FOXP2: variants seen among roughly 807,000 people sequenced by gnomAD.
FOXP2 encodes forkhead box P2.
A neutral mutation model predicts 115.8 loss-of-function variants in FOXP2; 12 were observed. That is an observed-to-expected ratio of 0.10 (90% CI 0.07 to 0.17). The LOEUF (loss-of-function observed/expected upper bound fraction) is 0.17, where lower values mean the gene tolerates loss of function less well. Ranked by LOEUF, FOXP2 falls within the 10% of genes least tolerant of loss-of-function variation. The pLI is 1.00. For synonymous variants in FOXP2, 328 were observed against 297.7 expected, an observed-to-expected ratio of 1.10 and a Z score of -1.05; for missense variants, 629 against 843.5, an observed-to-expected ratio of 0.75 and a Z score of 3.15.
chr7:114,480,785 G>A (rs558053210), intron 2 of FOXP2, among the ~76,000 whole-genome samples: 20 of 150,090 alleles, frequency 1.3e-4, no homozygotes, highest in East Asian at 3.9e-4. Flanking sequence ...ACATACACAT[G>A]CACAACCGTA....
At chr7:114,565,490 G>C (rs772620165) in intron 3 of FOXP2, among the ~76,000 whole-genome samples, 1 of 152,054 alleles carries the variant, frequency 6.6e-6, no homozygotes, top group Non-Finnish European at 1.5e-5. Flanking sequence ...ATCCCTGGAC[G>C]CTATACCAGA....
intron 3 of FOXP2, among the ~76,000 whole-genome samples, chr7:114,605,473 T>C (rs945070684): frequency 7.2e-5 from 11 of 152,188 alleles, no homozygotes; most frequent in Non-Finnish European, 1.5e-4. Context: ...TCCAGTCTGG[T>C]TTATGTGTAA....
chr7:114,271,476 TTA>T (rs1307482035), intron 1 of FOXP2, among the ~76,000 whole-genome samples: 2 of 135,876 alleles, frequency 1.5e-5, no homozygotes, highest in Non-Finnish European at 3.1e-5. Flanking sequence ...CTGAGAGGAT[TTA>T]TATATATATA....
chr7:114,679,384 A>G (rs1276554224), intron 16 of FOXP2, among the ~76,000 whole-genome samples: 1 of 152,156 alleles, frequency 6.6e-6, no homozygotes, highest in Non-Finnish European at 1.5e-5. Flanking sequence ...TCATTAACTT[A>G]TTACATTGTT....
At chr7:114,508,453 G>A (rs1797925602) in intron 2 of FOXP2, among the ~76,000 whole-genome samples, 2 of 152,066 alleles carry the variant, frequency 1.3e-5, no homozygotes, top group South Asian at 4.1e-4. Flanking sequence ...TAGAGCTTAT[G>A]ATCTAGTCCT....
intron 2 of FOXP2, among the ~76,000 whole-genome samples, chr7:114,338,408 A>G (rs1340430241): frequency 6.6e-6 from 1 of 150,928 alleles, no homozygotes; most frequent in Non-Finnish European, 1.5e-5. Flanking sequence ...ACTATTTTCA[A>G]CTATATTATT....
At chr7:114,138,499 C>T (rs1202301023) in intron 1 of FOXP2, among the ~76,000 whole-genome samples, 2 of 150,606 alleles carry the variant, frequency 1.3e-5, no homozygotes, top group Admixed American at 1.3e-4. Context: ...TCACATGATT[C>T]TCCTGCCTCA....
intron 1 of FOXP2, among the ~76,000 whole-genome samples, chr7:114,215,942 A>C (rs559669955): frequency 7.1e-4 from 108 of 152,288 alleles, no homozygotes; most frequent in African/African-American, 2.3e-3. Context: ...TGCATTATAT[A>C]TGCAGATAAA....
At chr7:114,357,064 G>T (rs1470337469) in intron 2 of FOXP2, among the ~76,000 whole-genome samples, 1 of 152,154 alleles carries the variant, frequency 6.6e-6, no homozygotes, top group Admixed American at 6.6e-5. Context: ...ATACTCTCCA[G>T]AGTATTGCTC....
At chr7:114,352,701 A>G (rs1282620503) in intron 2 of FOXP2, among the ~76,000 whole-genome samples, 5 of 152,042 alleles carry the variant, frequency 3.3e-5, no homozygotes, top group Non-Finnish European at 5.9e-5. Flanking sequence ...GCCCACACTA[A>G]TGACCTCATT....
chr7:114,114,965 T>C (rs1226546991), intron 1 of FOXP2, among the ~76,000 whole-genome samples: 1 of 152,162 alleles, frequency 6.6e-6, no homozygotes, highest in African/African-American at 2.4e-5. Flanking sequence ...TTGTGTAAAA[T>C]AGAACATTAC....
At chr7:114,488,831 A>G (rs932782195) in intron 2 of FOXP2, among the ~76,000 whole-genome samples, 3 of 152,156 alleles carry the variant, frequency 2.0e-5, no homozygotes, top group Admixed American at 6.5e-5. Context: ...CCCCCTTATA[A>G]CTTCTGAAAT....
intron 2 of FOXP2, among the ~76,000 whole-genome samples, chr7:114,307,557 CA>C (rs1398703499): frequency 6.6e-6 from 1 of 152,112 alleles, no homozygotes; most frequent in East Asian, 1.9e-4. Context: ...CAAAGGGGTA[CA>C]TAAGTTCTCT....
intron 1 of FOXP2, among the ~76,000 whole-genome samples, chr7:114,239,036 G>GT (rs61341634): frequency 0.1 from 15,101 of 151,370 alleles, 1,376 homozygotes; most frequent in African/African-American, 0.24. Flanking sequence ...TCACGTTTCA[G>GT]TTATAGCTTT....
chr7:114,543,558 A>G (rs193122735), intron 3 of FOXP2, among the ~76,000 whole-genome samples: 1 of 152,010 alleles, frequency 6.6e-6, no homozygotes, highest in Admixed American at 6.5e-5. Context: ...ACTTTTTTAC[A>G]TTATAGGTTC....
At chr7:114,126,382 A>G (rs1791709847) in intron 1 of FOXP2, among the ~76,000 whole-genome samples, 1 of 152,194 alleles carries the variant, frequency 6.6e-6, no homozygotes, top group African/African-American at 2.4e-5. Context: ...TTACAGTGGG[A>G]TTAGCATGTA....
intron 2 of FOXP2, among the ~76,000 whole-genome samples, chr7:114,362,168 A>C (rs775005946): frequency 6.6e-6 from 1 of 152,086 alleles, no homozygotes; most frequent in Non-Finnish European, 1.5e-5. Context: ...TAAAAAATTG[A>C]GATTCATAAT....
chr7:114,250,409 C>CCAG (rs1292312075), intron 1 of FOXP2, among the ~76,000 whole-genome samples: 1 of 152,198 alleles, frequency 6.6e-6, no homozygotes, highest in Non-Finnish European at 1.5e-5. Context: ...TACAGTCCCA[C>CCAG]CAGCAGTATA....
intron 2 of FOXP2, among the ~76,000 whole-genome samples, chr7:114,507,689 G>A (rs1356180724): frequency 6.6e-6 from 1 of 151,872 alleles, no homozygotes; most frequent in East Asian, 1.9e-4. Context: ...CCCAATACAT[G>A]CAGAAATAAG....
Sources: allele counts gnomAD v4.1 joint callset (sites outside exome capture counted in the v4.1 genomes callset), GRCh38; gene constraint gnomAD v4.1.1; transcripts MANE v1.5; gene names NCBI Gene and HGNC (gene_info 2026-07-23, HGNC 2026-07-21).